MAN1C1: variants seen among roughly 807,000 people sequenced by gnomAD.
MAN1C1 encodes the protein mannosidase alpha class 1C member 1.
In MAN1C1, 49 loss-of-function variants were observed where a neutral mutation model predicts 71.5. The ratio of observed to expected loss-of-function variants is 0.69; its 90% CI spans 0.54 to 0.87. MAN1C1 has a LOEUF of 0.87. Ranked by LOEUF, MAN1C1 falls within the 40% of genes least tolerant of loss-of-function variation. The pLI is 0.00. For missense variants in MAN1C1, 743 were observed against 835.0 expected, an observed-to-expected ratio of 0.89 and a Z score of 1.36; for synonymous variants, 352 against 343.7, an observed-to-expected ratio of 1.02 and a Z score of -0.27.
chr1:25,656,233 G>A (rs2045765055), intron 1 of MAN1C1, among the ~76,000 whole-genome samples: 2 of 150,802 alleles, frequency 1.3e-5, no homozygotes, highest in Admixed American at 1.3e-4. Context: ...AAGTAGCTGG[G>A]ACTACAGGCA....
At chr1:25,783,223 C>G (rs1008266252) in intron 11 of MAN1C1, among the ~76,000 whole-genome samples, 4 of 152,196 alleles carry the variant, frequency 2.6e-5, no homozygotes, top group Non-Finnish European at 5.9e-5. Flanking sequence ...AAAAAACCCA[C>G]AACCTGGAAG....
In MAN1C1 at chr1:25,624,109, A is replaced by G. The variant is rs113023105; in HGVS notation, c.540+5772A>G. On this transcript the variant is annotated intron_variant, in intron 1 of 11. Coordinates refer to ENST00000374332, the MANE Select transcript of MAN1C1 (RefSeq NM_020379.4). ...GCATAATTTGGGGAAAAGAAACAACAAATGTTCTTAGCTCTGTATTGCCAT... is the reference window on the plus strand; with the variant it reads ...GCATAATTTGGGGAAAAGAAACAACGAATGTTCTTAGCTCTGTATTGCCAT... Among the ~76,000 whole-genome samples, 123 of 152,368 alleles carry G rather than the reference A, an allele frequency of 8.1e-4. 1 individual carries two copies. The highest frequency in any genetic ancestry group is 2.9e-3 in the African/African-American group (120 of 41,582).
chr1:25,670,661 A>G (rs563602371), intron 1 of MAN1C1, among the ~76,000 whole-genome samples: 1 of 152,318 alleles, frequency 6.6e-6, no homozygotes, highest in South Asian at 2.1e-4. Context: ...TTCATTAGAC[A>G]GTAGAGCAGC....
At chr1:25,666,082 G>GA (rs144447325) in intron 1 of MAN1C1, among the ~76,000 whole-genome samples, 3,561 of 150,074 alleles carry the variant, frequency 0.024, 139 homozygotes, top group African/African-American at 0.082. Flanking sequence ...CTAGTTGGAA[G>GA]AAAAAAAAAC....
chr1:25,674,027 CCTAACACCCAAT>C (rs1409101060), intron 1 of MAN1C1, among the ~76,000 whole-genome samples: 1 of 152,208 alleles, frequency 6.6e-6, no homozygotes, highest in Non-Finnish European at 1.5e-5. Context: ...CCTGCCCCCA[CCTAACACCCAAT>C]CTGTGATAGA....
chr1:25,755,697 CTT>C (rs2047276358), intron 5 of MAN1C1, among the ~76,000 whole-genome samples: 1 of 152,154 alleles, frequency 6.6e-6, no homozygotes, highest in African/African-American at 2.4e-5. Context: ...GCAAAGCAAA[CTT>C]AATTAGAATC....
chr1:25,758,513 C>T (rs1218242256), intron 5 of MAN1C1, 79 bp from the exon 6 acceptor site: 42 of 1,270,294 alleles, frequency 3.3e-5, no homozygotes, highest in South Asian at 9.6e-5. Flanking sequence ...GTGCCCCCAC[C>T]GAGCAGCTGC....
intron 1 of MAN1C1, among the ~76,000 whole-genome samples, chr1:25,643,421 ATTT>A (rs11326338): frequency 2.1e-4 from 24 of 115,432 alleles, no homozygotes; most frequent in East Asian, 7.1e-4. Context: ...CGCCTGGCTA[ATTT>A]TTTTTTTTTT....
intron 1 of MAN1C1, among the ~76,000 whole-genome samples, chr1:25,650,119 T>C (rs577720963): frequency 1.3e-5 from 2 of 152,316 alleles, no homozygotes; most frequent in East Asian, 1.9e-4. Context: ...TACACTCCCA[T>C]GTCCACAGCT....
rs554435218 is a variant in MAN1C1, at chr1:25,725,872, G to A, written c.638-20796G>A. Reference sequence around the variant, plus strand: ...AGAGCTGAAGAATGAGAGGGTGCTCGGGGCAGAAGGTCCATCCTGGGCTGA... The same window carrying A: ...AGAGCTGAAGAATGAGAGGGTGCTCAGGGCAGAAGGTCCATCCTGGGCTGA... On this transcript the variant is annotated intron_variant, in intron 2 of 11. Coordinates refer to ENST00000374332, the MANE Select transcript of MAN1C1 (RefSeq NM_020379.4). The surrounding 1 kb of genome is among the most constrained non-coding windows in gnomAD (Gnocchi z 4.8). Among the ~76,000 whole-genome samples the A allele has an allele frequency of 1.1e-4, 16 of 152,348 alleles. No individual in the cohort carries two copies. The highest frequency in any genetic ancestry group is 6.5e-4 in the Admixed American group (10 of 15,304).
At position 25,687,449 on chromosome 1, in the gene MAN1C1, A is replaced by C. The variant is rs370482041; in HGVS notation, c.637+913A>C. On this transcript the variant is annotated intron_variant, in intron 2 of 11. Transcript: ENST00000374332. ...CTGGCCTCCATCTCCCCTGAGGGACAGGAGTGGTGTGGGGCTGGAGAGGGG... is the reference window on the plus strand; with the variant it reads ...CTGGCCTCCATCTCCCCTGAGGGACCGGAGTGGTGTGGGGCTGGAGAGGGG... Among the ~76,000 whole-genome samples, 882 of 152,292 alleles carry C rather than the reference A, an allele frequency of 5.8e-3. 5 individuals are homozygous for C. Among genetic ancestry groups the C allele is most frequent in the Non-Finnish European group, 9.3e-3 (634 of 68,020 alleles).
intron 1 of MAN1C1, among the ~76,000 whole-genome samples, chr1:25,654,008 A>G (rs2045728412): frequency 6.6e-6 from 1 of 152,184 alleles, no homozygotes; most frequent in African/African-American, 2.4e-5. Context: ...GCAAATAATT[A>G]TCTGGCCCAA....
rs181523117 is a variant in MAN1C1 at position 25,631,832 on chromosome 1, G to A, written c.540+13495G>A. 2.2e-3 allele frequency among the ~76,000 whole-genome samples: 331 copies of A among 152,202 alleles called. 1 individual carries two copies. Among genetic ancestry groups the A allele is most frequent in the African/African-American group, 5.8e-3 (242 of 41,520 alleles). Reference sequence around the variant, plus strand: ...GTTTCAGTAGCTGGAGTGTAGTGGCGCGATCTCAGCTCACTGCAACCTCTG... The same window carrying A: ...GTTTCAGTAGCTGGAGTGTAGTGGCACGATCTCAGCTCACTGCAACCTCTG... On this transcript the variant is annotated intron_variant, in intron 1 of 11. Transcript: ENST00000374332. This position sits in a 1 kb window ranked among gnomAD's most constrained non-coding sequence, Gnocchi z 4.2.
intron 2 of MAN1C1, among the ~76,000 whole-genome samples, chr1:25,700,314 C>T (rs566830556): frequency 1.8e-4 from 27 of 152,316 alleles, no homozygotes; most frequent in African/African-American, 5.3e-4. Context: ...CCTTCTAGCA[C>T]GCAGGGCATG....
intron 1 of MAN1C1, chr1:25,658,820 A>G (rs569443379): frequency 3.9e-5 from 6 of 152,526 alleles, no homozygotes. Context: ...GCCGATTGCC[A>G]CTTATAGATA....
chr1:25,768,396 ATC>A (rs2047486205), intron 7 of MAN1C1, among the ~76,000 whole-genome samples: 1 of 112,692 alleles, frequency 8.9e-6, no homozygotes, highest in Non-Finnish European at 1.8e-5. Flanking sequence ...CCTCACATAC[ATC>A]CACACTCCCC....
chr1:25,745,579 A>G (rs1228095351), intron 2 of MAN1C1, among the ~76,000 whole-genome samples: 1 of 152,236 alleles, frequency 6.6e-6, no homozygotes, highest in Admixed American at 6.5e-5. Context: ...CCCCAGGTAA[A>G]TAGGCACAGG....
intron 7 of MAN1C1, among the ~76,000 whole-genome samples, chr1:25,767,406 A>ACC (rs1417220509): frequency 1.4e-4 from 3 of 21,058 alleles, no homozygotes; most frequent in Non-Finnish European, 1.9e-4. Flanking sequence ...CACCCCTACC[A>ACC]CCCCACCCAC....
Position 25,676,426 on chromosome 1 carries a change from G to T in MAN1C1, c.541-10014G>T, listed in dbSNP as rs923064804. ...GTGTATTTGCAGGAGCCTCACTGGG[G>T]TCACCAACCAGGTCATGTTGTGTTG... On this transcript the variant is annotated intron_variant, in intron 1 of 11. Transcript: ENST00000374332. 3.9e-5 allele frequency among the ~76,000 whole-genome samples: 6 copies of T among 152,148 alleles called. No homozygotes were observed. In the East Asian group the frequency reaches 1.2e-3, roughly 29 times the overall value.
Sources: gnomAD v4.1 joint callset for allele counts (sites outside exome capture counted in the v4.1 genomes callset) on GRCh38, gnomAD v4.1.1 for gene constraint, Gnocchi (gnomAD v3.1) non-coding constraint, MANE v1.5 for transcripts, NCBI Gene and HGNC (gene_info 2026-07-23, HGNC 2026-07-21) for gene names.